The following KCTD8 variants were observed in gnomAD, a reference collection of about 807,000 sequenced individuals.
The protein encoded by KCTD8 is BTB/POZ domain-containing protein KCTD8.
KCTD8 carries 27 observed loss-of-function variants against 31.5 expected under a neutral mutation model. That is an observed-to-expected ratio of 0.86 (90% CI 0.63 to 1.18). The LOEUF (loss-of-function observed/expected upper bound fraction) is 1.18. KCTD8 is among the 50% of genes most tolerant of loss of function. KCTD8 has a pLI of 0.00. For synonymous variants in KCTD8, 290 were observed against 280.0 expected (o/e 1.04, Z -0.36); for missense variants, 658 against 647.7 (o/e 1.02, Z -0.17).
chr4:44,217,266 T>C (rs565975206), intron 1 of KCTD8, among the ~76,000 whole-genome samples: 2 of 152,198 alleles, frequency 1.3e-5, no homozygotes, highest in Admixed American at 1.3e-4. Flanking sequence ...TCTAAGACGC[T>C]TGGGATAAAA....
chr4:44,353,586 G>A (rs34786325), intron 1 of KCTD8, among the ~76,000 whole-genome samples: 46,373 of 151,532 alleles, frequency 0.31, 7,839 homozygotes, highest in Non-Finnish European at 0.39. Flanking sequence ...CTATATTTTT[G>A]TACCAATTAA....
chr4:44,399,380 T>C (rs1038350696), intron 1 of KCTD8, among the ~76,000 whole-genome samples: 2 of 151,920 alleles, frequency 1.3e-5, no homozygotes, highest in African/African-American at 4.8e-5. Context: ...CTGAAAAAAA[T>C]TGCTGGGATG....
chr4:44,430,701 T>C (rs1469829272), intron 1 of KCTD8, among the ~76,000 whole-genome samples: 1 of 151,644 alleles, frequency 6.6e-6, no homozygotes, highest in African/African-American at 2.4e-5. Context: ...TTCTCATGGA[T>C]TTGGCTATGA....
chr4:44,212,931 T>TTTGC (rs1334651603), intron 1 of KCTD8, among the ~76,000 whole-genome samples: 1 of 151,656 alleles, frequency 6.6e-6, no homozygotes, highest in African/African-American at 2.4e-5. Context: ...TCTTTGTTTT[T>TTTGC]TTGTTTGTTT....
At chr4:44,192,475 T>TACACACACACACACACAC (rs34405384) in intron 1 of KCTD8, among the ~76,000 whole-genome samples, 1 of 137,090 alleles carries the variant, frequency 7.3e-6, no homozygotes, top group Non-Finnish European at 1.6e-5. Context: ...TAAGCAAAGA[T>TACACACACACACACACAC]ACACACACAC....
At chr4:44,302,175 G>C (rs1238303488) in intron 1 of KCTD8, among the ~76,000 whole-genome samples, 3 of 152,056 alleles carry the variant, frequency 2.0e-5, no homozygotes, top group Non-Finnish European at 2.9e-5. Context: ...TTGTTCTTTT[G>C]GCTTAGGATT....
At chr4:44,396,696 G>T (rs1720514080) in intron 1 of KCTD8, among the ~76,000 whole-genome samples, 1 of 152,052 alleles carries the variant, frequency 6.6e-6, no homozygotes, top group African/African-American at 2.4e-5. Flanking sequence ...ATCTGCACCA[G>T]AATTCATTAG....
chr4:44,367,409 T>A (rs1290373982), intron 1 of KCTD8, among the ~76,000 whole-genome samples: 1 of 152,184 alleles, frequency 6.6e-6, no homozygotes, highest in Non-Finnish European at 1.5e-5. Flanking sequence ...CTGACAGAAC[T>A]CTCAGATCCT....
At chr4:44,212,225 T>C (rs907373332) in intron 1 of KCTD8, among the ~76,000 whole-genome samples, 4 of 152,212 alleles carry the variant, frequency 2.6e-5, no homozygotes, top group Non-Finnish European at 5.9e-5. Flanking sequence ...CAGTGGAATC[T>C]GAACAAGGTC....
chr4:44,208,742 C>T (rs1479519689), intron 1 of KCTD8, among the ~76,000 whole-genome samples: 1 of 152,086 alleles, frequency 6.6e-6, no homozygotes, highest in East Asian at 1.9e-4. Context: ...CTGGAATCTC[C>T]CCTACCTATA....
intron 1 of KCTD8, among the ~76,000 whole-genome samples, chr4:44,444,901 A>G (rs1721903120): frequency 6.6e-6 from 1 of 152,128 alleles, no homozygotes; most frequent in African/African-American, 2.4e-5. Context: ...AGTGACTGAT[A>G]CTTGTTATAC....
At chr4:44,395,662 A>T (rs186399839) in intron 1 of KCTD8, among the ~76,000 whole-genome samples, 1 of 152,220 alleles carries the variant, frequency 6.6e-6, no homozygotes, top group Admixed American at 6.5e-5. Context: ...TTATGCCCAC[A>T]GTCCCCTTTC....
chr4:44,254,808 T>C (rs1389198581), intron 1 of KCTD8, among the ~76,000 whole-genome samples: 3 of 151,888 alleles, frequency 2.0e-5, no homozygotes, highest in African/African-American at 7.2e-5. Flanking sequence ...CAGTATGTAG[T>C]TGTTTACAGT....
At chr4:44,322,047 T>C (rs771586098) in intron 1 of KCTD8, among the ~76,000 whole-genome samples, 25 of 152,046 alleles carry the variant, frequency 1.6e-4, no homozygotes, top group Non-Finnish European at 3.4e-4. Context: ...TTGTAAATAA[T>C]GCTATAATAA....
intron 1 of KCTD8, among the ~76,000 whole-genome samples, chr4:44,229,875 C>T (rs1002431071): frequency 2.0e-5 from 3 of 151,758 alleles, no homozygotes; most frequent in South Asian, 2.1e-4. Flanking sequence ...ATGTGCAGAA[C>T]GTGCAGGTTT....
intron 1 of KCTD8, among the ~76,000 whole-genome samples, chr4:44,294,979 G>C (rs1425198623): frequency 6.6e-6 from 1 of 151,984 alleles, no homozygotes; most frequent in African/African-American, 2.4e-5. Context: ...AAGGCAAAAG[G>C]AGATAAAAGG....
intron 1 of KCTD8, among the ~76,000 whole-genome samples, chr4:44,214,466 T>C (rs1714589113): frequency 6.6e-6 from 1 of 152,220 alleles, no homozygotes; most frequent in Non-Finnish European, 1.5e-5. Context: ...ATCAATAACC[T>C]GTACATACAG....
chr4:44,385,267 A>G (rs1363896314), intron 1 of KCTD8, among the ~76,000 whole-genome samples: 1 of 151,652 alleles, frequency 6.6e-6, no homozygotes, highest in African/African-American at 2.4e-5. Context: ...TAACCAAAAT[A>G]AATTTTAGGT....
chr4:44,343,195 GA>G (rs1718949626), intron 1 of KCTD8, among the ~76,000 whole-genome samples: 1 of 152,220 alleles, frequency 6.6e-6, no homozygotes, highest in Non-Finnish European at 1.5e-5. Context: ...CATTTAAAGT[GA>G]AAAATGTGAG....
Sources: gnomAD v4.1 joint callset for allele counts (sites outside exome capture counted in the v4.1 genomes callset) on GRCh38, gnomAD v4.1.1 for gene constraint, MANE v1.5 for transcripts, NCBI Gene and HGNC (gene_info 2026-07-23, HGNC 2026-07-21) for gene names.